PRUNE2: variants seen among roughly 807,000 people sequenced by gnomAD.
PRUNE2 encodes protein prune homolog 2.
Under a neutral mutation model 252.0 loss-of-function variants are expected in PRUNE2, and 164 were observed. That is an observed-to-expected ratio of 0.65 (90% confidence interval 0.57 to 0.74). PRUNE2 has a LOEUF of 0.74. Among genes scored for constraint, PRUNE2 ranks in the 30% least tolerant of loss-of-function variants. The pLI is 0.00. For missense variants in PRUNE2, 3,495 were observed against 3,711.0 expected (o/e 0.94, Z 1.51); for synonymous variants, 1,292 against 1,350.2 (o/e 0.96, Z 0.94).
In PRUNE2 at chr9:76,906,079, G is replaced by A. The variant is rs2063478827; in HGVS notation, c.-116C>T. On this transcript the variant is annotated 5_prime_UTR_variant, in exon 1 of 19. Coordinates refer to ENST00000376718, the MANE Select transcript of PRUNE2 (RefSeq NM_015225.3). Reference sequence around the variant, plus strand: ...GCCCGCCGGGGCGCAGCGACCGACTGCTCCCTCCTGCCGCTCTGAGGCGGC... The same window carrying A: ...GCCCGCCGGGGCGCAGCGACCGACTACTCCCTCCTGCCGCTCTGAGGCGGC... The A allele has an allele frequency of 2.7e-6, 3 of 1,091,220 alleles. No individual in the cohort carries two copies. The highest frequency in any genetic ancestry group is 2.8e-6 in the Non-Finnish European group (2 of 716,002). The allele number at this position is 1,091,220 out of a possible 1,614,324, so 67.6% of individuals were successfully genotyped here.
At chr9:76,870,758 T>C (rs2061151413) in intron 1 of PRUNE2, among the ~76,000 whole-genome samples, 1 of 149,122 alleles carries the variant, frequency 6.7e-6, no homozygotes, top group Non-Finnish European at 1.5e-5. Flanking sequence ...CAGTAAGATG[T>C]GGAGTGAGGG....
rs773495292 is a variant in PRUNE2, at chr9:76,710,906, A to G, written c.1368T>C (p.Ala456=). ...LSDDSPVGEG[A]GPHHTLLPGL... is the part of the protein sequence containing the mutation. The stretch of plus-strand genomic sequence containing the variant: ...CTGGGAGAAGGGTGTGGTGAGGCCC[A>G]GCACCTTCTCCCACGGGGCTGTCGT... Residue 456 remains alanine, a synonymous_variant, in exon 8 of 19, where the codon GCT becomes GCC. Coordinates refer to ENST00000376718, the MANE Select transcript of PRUNE2 (RefSeq NM_015225.3). 1.5e-5 allele frequency: 23 copies of G among 1,558,534 alleles called. No homozygotes were observed. The highest frequency in any genetic ancestry group is 2.0e-5 in the Non-Finnish European group (23 of 1,152,544).
intron 6 of PRUNE2, among the ~76,000 whole-genome samples, chr9:76,750,398 C>G (rs930567189): frequency 2.0e-5 from 3 of 152,098 alleles, no homozygotes; most frequent in Admixed American, 1.3e-4. Flanking sequence ...AATTGAATTA[C>G]AGAACACCCA....
Position 76,705,659 on chromosome 9 carries a change from T to C in PRUNE2, c.6615A>G (p.Val2205=). The C allele has an allele frequency of 6.2e-7, 1 of 1,614,066 alleles. No individual in the cohort carries two copies. Among genetic ancestry groups the C allele is most frequent in the Non-Finnish European group, 8.5e-7 (1 of 1,179,894 alleles). ...TATCTGGGCTGGCTCCTTTTTCTGA[T>C]ACTTGTAAACCTGTACTGTTGTCAC... ...INGDNSTGLQ[V]SEKGASPDMA... The change falls in exon 8 of 19, where the codon GTA becomes GTG. Residue 2205 remains valine (V), a synonymous_variant. Coordinates refer to ENST00000376718, the MANE Select transcript of PRUNE2 (RefSeq NM_015225.3).
chr9:76,665,037 T>C (rs901277668), intron 9 of PRUNE2, among the ~76,000 whole-genome samples: 1 of 152,172 alleles, frequency 6.6e-6, no homozygotes, highest in East Asian at 1.9e-4. Context: ...TTCATTTTTT[T>C]CATGCAGAAA....
intron 17 of PRUNE2, among the ~76,000 whole-genome samples, 156 bp downstream of exon 17, chr9:76,624,293 GAAT>G (rs1225370812): frequency 6.6e-6 from 1 of 152,164 alleles, no homozygotes; most frequent in Non-Finnish European, 1.5e-5. Flanking sequence ...ATTGTAGTAA[GAAT>G]AATAGAGATT....
intron 6 of PRUNE2, among the ~76,000 whole-genome samples, chr9:76,777,602 T>A (rs981270938): frequency 1.2e-4 from 19 of 152,236 alleles, no homozygotes; most frequent in Non-Finnish European, 2.8e-4. Context: ...GGATACAGTA[T>A]TAAATAAAAC....
chr9:76,712,344 G>A (rs2046800431), intron 7 of PRUNE2, among the ~76,000 whole-genome samples: 1 of 152,218 alleles, frequency 6.6e-6, no homozygotes, highest in African/African-American at 2.4e-5. Flanking sequence ...TGGAGCCTGA[G>A]TTCTGTACCC....
At chr9:76,841,537 C>T (rs2059395565) in intron 4 of PRUNE2, among the ~76,000 whole-genome samples, 1 of 152,228 alleles carries the variant, frequency 6.6e-6, no homozygotes, top group Admixed American at 6.5e-5. Flanking sequence ...GATCCCACCC[C>T]ATGGAGCCCA....
intron 6 of PRUNE2, among the ~76,000 whole-genome samples, chr9:76,815,790 G>A (rs2057653283): frequency 6.6e-6 from 1 of 152,150 alleles, no homozygotes; most frequent in African/African-American, 2.4e-5. Context: ...ATTTGAAACT[G>A]ACCAATAGGT....
At chr9:76,658,766 C>T (rs981707868) in intron 9 of PRUNE2, among the ~76,000 whole-genome samples, 13 of 152,192 alleles carry the variant, frequency 8.5e-5, no homozygotes, top group Admixed American at 3.3e-4. Context: ...TACATGTCTC[C>T]ATCTAGAGGA....
chr9:76,652,647 G>C lies in PRUNE2; in HGVS notation c.8393C>G (p.Pro2798Arg), dbSNP rs1013450299. The C allele has an allele frequency of 6.2e-7, 1 of 1,612,682 alleles. No individual in the cohort carries two copies. The highest frequency in any genetic ancestry group is 1.7e-5 in the Admixed American group (1 of 59,984). Residue 2798 changes from proline to arginine, a missense_variant, in exon 11 of 19, where the codon CCT becomes CGT. Pro to Arg is a moderately radical substitution (Grantham distance 103). Coordinates refer to ENST00000376718, the MANE Select transcript of PRUNE2 (RefSeq NM_015225.3). ...PNSLDLNDTH[P>R]RRIKLTAPNI... The stretch of plus-strand genomic sequence containing the variant: ...TGGGGCTGTGAGCTTGATTCTCCGA[G>C]GATGAGTGTCATTAAGATCCAGAGA...
chr9:76,837,965 G>GA (rs2059146282), intron 4 of PRUNE2, among the ~76,000 whole-genome samples: 1 of 151,722 alleles, frequency 6.6e-6, no homozygotes, highest in African/African-American at 2.4e-5. Flanking sequence ...TAGAGACGGG[G>GA]TTTCACCGTG....
rs1588725459 is a variant in PRUNE2 at position 76,708,088 on chromosome 9, C to G, written c.4186G>C (p.Glu1396Gln). ...TCATACTCTAAAACTTCCTCTGGTT[C>G]CTCGGTTTGAGGACTGAAAGTGACA... ...LAVTFSPQTEEPEEVLEYEEG... is the reference protein window; with the variant it reads ...LAVTFSPQTEQPEEVLEYEEG... Residue 1396 changes from glutamate to glutamine, a missense_variant, in exon 8 of 19, where the codon GAA becomes CAA. Physicochemically the swap from Glu to Gln is conservative, Grantham distance 29. Coordinates refer to ENST00000376718, the MANE Select transcript of PRUNE2 (RefSeq NM_015225.3). The G allele has an allele frequency of 6.2e-7, 1 of 1,613,966 alleles. No individual in the cohort carries two copies. Among genetic ancestry groups the G allele is most frequent in the East Asian group, 2.2e-5 (1 of 44,872 alleles).
At chr9:76,802,978 T>G (rs2056666124) in intron 6 of PRUNE2, among the ~76,000 whole-genome samples, 1 of 152,176 alleles carries the variant, frequency 6.6e-6, no homozygotes, top group Non-Finnish European at 1.5e-5. Context: ...ACCAAAATGT[T>G]TCAGTTCCAG....
intron 6 of PRUNE2, among the ~76,000 whole-genome samples, chr9:76,821,541 T>C (rs1230598590): frequency 6.6e-6 from 1 of 152,132 alleles, no homozygotes; most frequent in Non-Finnish European, 1.5e-5. Context: ...AGGATGTTAC[T>C]AAGGAGGTTT....
intron 6 of PRUNE2, chr9:76,759,993 G>A (rs563041104): frequency 6.6e-6 from 1 of 152,426 alleles, no homozygotes; most frequent in Admixed American, 6.5e-5. Context: ...TGCGAGGGCA[G>A]TCAGGGAATT....
chr9:76,765,485 G>A (rs1371161958), intron 6 of PRUNE2, among the ~76,000 whole-genome samples: 1 of 152,210 alleles, frequency 6.6e-6, no homozygotes, highest in Admixed American at 6.5e-5. Context: ...AAGGCATACA[G>A]AATAGAGACA....
At chr9:76,796,029 G>C (rs759617161) in intron 6 of PRUNE2, among the ~76,000 whole-genome samples, 6 of 152,144 alleles carry the variant, frequency 3.9e-5, no homozygotes, top group African/African-American at 9.7e-5. Flanking sequence ...TCACTTCACA[G>C]GTGCCTCATT....
Sources: gnomAD v4.1 joint callset for allele counts (sites outside exome capture counted in the v4.1 genomes callset) on GRCh38, gnomAD v4.1.1 for gene constraint, MANE v1.5 for transcripts, NCBI Gene and HGNC (gene_info 2026-07-23, HGNC 2026-07-21) for gene names.